The following PTPRC variants were observed in gnomAD, a reference collection of about 807,000 sequenced individuals.
PTPRC encodes the protein protein tyrosine phosphatase receptor type C, also known as receptor-type tyrosine-protein phosphatase C.
A neutral mutation model predicts 155.9 loss-of-function variants in PTPRC; 44 were observed. The ratio of observed to expected loss-of-function variants is 0.28; its 90% confidence interval spans 0.22 to 0.36. The LOEUF (loss-of-function observed/expected upper bound fraction) is 0.36. Ranked by LOEUF, PTPRC falls within the 10% of genes least tolerant of loss-of-function variation. The pLI is 1.00. For missense variants in PTPRC, 1,401 were observed against 1,564.6 expected (o/e 0.90, Z 1.76); for synonymous variants, 525 against 533.1 (o/e 0.98, Z 0.21).
chr1:198,716,551 G>A (rs1213856697), intron 12 of PTPRC, 131 bp from the exon 13 acceptor site: 1 of 745,022 alleles, frequency 1.3e-6, no homozygotes, highest in Admixed American at 2.4e-5. Context: ...TATCAAGGAT[G>A]TACTTATTTT....
intron 2 of PTPRC, among the ~76,000 whole-genome samples, chr1:198,668,805 T>G (rs1664477196): frequency 1.3e-5 from 2 of 152,306 alleles, no homozygotes; most frequent in Middle Eastern, 3.4e-3. Context: ...CATTTCTTCC[T>G]GTGGAAGGAT....
intron 17 of PTPRC, among the ~76,000 whole-genome samples, chr1:198,729,913 A>G (rs1043767573): frequency 6.6e-6 from 1 of 152,110 alleles, no homozygotes; most frequent in Non-Finnish European, 1.5e-5. Context: ...GGACGAGTGG[A>G]TGGAAGTCAC....
At chr1:198,665,282 T>G (rs565984132) in intron 2 of PTPRC, among the ~76,000 whole-genome samples, 1 of 151,500 alleles carries the variant, frequency 6.6e-6, no homozygotes, top group East Asian at 1.9e-4. Flanking sequence ...TTTTGTATTC[T>G]TAGTAGAGAC....
intron 25 of PTPRC, 76 bp downstream of exon 25, chr1:198,742,443 A>G (rs1558034849): frequency 1.3e-6 from 2 of 1,569,878 alleles, no homozygotes; most frequent in Non-Finnish European, 1.7e-6. Context: ...TAATAATGAT[A>G]TTTTTTAAAA....
intron 8 of PTPRC, among the ~76,000 whole-genome samples, chr1:198,705,741 C>T (rs957923766): frequency 2.6e-5 from 4 of 152,082 alleles, no homozygotes; most frequent in Admixed American, 2.6e-4. Context: ...TTTGTAAACA[C>T]ATACTGTTCC....
chr1:198,659,474 C>G lies in PTPRC; in HGVS notation c.73+20133C>G, dbSNP rs141912716. On this transcript the variant is annotated intron_variant, in intron 2 of 32. Transcript: ENST00000442510. ...TGCTCATTTTGAGGACACGATAGTT[C>G]GGACTGTCTGAGGAAATCGACAGTG... Among the ~76,000 whole-genome samples the G allele has an allele frequency of 5.9e-3, 902 of 152,044 alleles. 6 individuals carry two copies. The highest frequency in any genetic ancestry group is 0.012 in the Non-Finnish European group (791 of 67,982).
intron 29 of PTPRC, among the ~76,000 whole-genome samples, 167 bp from the exon 30 acceptor site, chr1:198,752,082 T>C (rs925358232): frequency 6.6e-6 from 1 of 152,050 alleles, no homozygotes; most frequent in African/African-American, 2.4e-5. Context: ...TCGCCAGCAC[T>C]TAAATAGATT....
At position 198,718,137 on chromosome 1, in the gene PTPRC, T is replaced by A. The variant is rs555467190; in HGVS notation, c.1494T>A (p.Asp498Glu). The A allele has an allele frequency of 3.1e-5, 50 of 1,613,740 alleles. No homozygotes were observed. Among genetic ancestry groups the A allele is most frequent in the Non-Finnish European group, 3.9e-5 (46 of 1,179,754 alleles). Residue 498 changes from aspartate (D) to glutamate (E), a missense_variant, in exon 14 of 33, where the codon GAT becomes GAA. Around this residue, in one of 3 missense-constraint regions of PTPRC, gnomAD observed 867 missense variants for 970.4 expected, o/e 0.89. Transcript: ENST00000442510. ...ACATGACTGTCTCCATGACATCAGATAATAGTATGCATGTCAAGTGTAGGC... is the reference window on the plus strand; with the variant it reads ...ACATGACTGTCTCCATGACATCAGAAAATAGTATGCATGTCAAGTGTAGGC... ...VWNMTVSMTS[D>E]NSMHVKCRPP... is the part of the protein sequence containing the mutation.
intron 2 of PTPRC, among the ~76,000 whole-genome samples, chr1:198,686,691 G>C (rs1665643190): frequency 6.6e-6 from 1 of 152,122 alleles, no homozygotes; most frequent in African/African-American, 2.4e-5. Context: ...ATATATTGTA[G>C]TGTAATTTGT....
intron 14 of PTPRC, among the ~76,000 whole-genome samples, chr1:198,719,558 C>T (rs965611684): frequency 2.5e-4 from 38 of 151,944 alleles, no homozygotes; most frequent in African/African-American, 8.4e-4. Context: ...TGTTGACAAA[C>T]GGCCTCATAT....
At chr1:198,708,402 C>T in intron 10 of PTPRC, 141 bp downstream of exon 10, 2 of 792,686 alleles carry the variant, frequency 2.5e-6, no homozygotes, top group Admixed American at 6.1e-5. Context: ...TCTTTCTTGT[C>T]TTTTTCTTGG....
chr1:198,662,571 A>G (rs1480939610), intron 2 of PTPRC, among the ~76,000 whole-genome samples: 1 of 152,066 alleles, frequency 6.6e-6, no homozygotes, highest in Non-Finnish European at 1.5e-5. Flanking sequence ...AGTGGCTTAT[A>G]TGATAGAAAT....
intron 17 of PTPRC, among the ~76,000 whole-genome samples, chr1:198,730,435 T>C (rs1029283578): frequency 3.3e-5 from 5 of 152,188 alleles, no homozygotes; most frequent in Admixed American, 6.6e-5. Context: ...GGCTTTTTTC[T>C]TATTCACTGC....
intron 15 of PTPRC, among the ~76,000 whole-genome samples, chr1:198,723,398 G>C (rs1268268687): frequency 6.6e-6 from 1 of 152,066 alleles, no homozygotes; most frequent in African/African-American, 2.4e-5. Flanking sequence ...AGTCAAAAGA[G>C]AAAATATAAA....
At chr1:198,748,246 C>T (rs745699692) in intron 27 of PTPRC, 47 bp downstream of exon 27, 4 of 1,556,786 alleles carry the variant, frequency 2.6e-6, no homozygotes. Flanking sequence ...AAGTTAAGCT[C>T]TTTTGGATTT....
chr1:198,756,801 A>T lies in PTPRC; in HGVS notation c.*620A>T, dbSNP rs1208944976. 1 of 152,028 alleles carries T rather than the reference A, an allele frequency of 6.6e-6. No individual in the cohort carries two copies. The highest frequency in any genetic ancestry group is 1.5e-5 in the Non-Finnish European group (1 of 67,964). The allele number at this position is 152,028 out of a possible 1,614,324, so 9.4% of individuals were successfully genotyped here. On this transcript the variant is annotated 3_prime_UTR_variant, in exon 33 of 33. Coordinates refer to ENST00000442510, the MANE Select transcript of PTPRC (RefSeq NM_002838.5). ...TTAACATTGGGAAATCTTATATTCC[A>T]TATATTAGCATTTAGTCCAATGTCT...
At chr1:198,675,921 C>G (rs969026488) in intron 2 of PTPRC, among the ~76,000 whole-genome samples, 6 of 152,016 alleles carry the variant, frequency 3.9e-5, no homozygotes, top group Non-Finnish European at 8.8e-5. Context: ...TGTCAAAGAC[C>G]GAAATATCAT....
intron 2 of PTPRC, among the ~76,000 whole-genome samples, chr1:198,674,368 A>C (rs980956878): frequency 6.6e-6 from 1 of 152,076 alleles, no homozygotes; most frequent in Non-Finnish European, 1.5e-5. Context: ...AAGCTTTATT[A>C]TATTTTTTAA....
intron 2 of PTPRC, among the ~76,000 whole-genome samples, chr1:198,658,757 T>C (rs1282034914): frequency 6.6e-6 from 1 of 152,148 alleles, no homozygotes; most frequent in Non-Finnish European, 1.5e-5. Context: ...TATGTTCCTT[T>C]CTGGAAAATT....
Sources: allele counts gnomAD v4.1 joint callset (sites outside exome capture counted in the v4.1 genomes callset), GRCh38; gene constraint gnomAD v4.1.1; regional missense constraint gnomAD v4.1.1; transcripts MANE v1.5; gene names NCBI Gene and HGNC (gene_info 2026-07-23, HGNC 2026-07-21).